Variants in PDCD10 observed in about 807,000 individuals in gnomAD.
The protein encoded by PDCD10 is programmed cell death protein 10.
Under a neutral mutation model 29.2 loss-of-function variants are expected in PDCD10, and 4 were observed. That is an observed-to-expected ratio of 0.14 (90% confidence interval 0.07 to 0.31). PDCD10 has a LOEUF of 0.31. PDCD10 is among the 10% of genes least tolerant of loss of function. The pLI is 1.00. For missense variants in PDCD10, 183 were observed against 257.9 expected, an observed-to-expected ratio of 0.71 and a Z score of 1.99; for synonymous variants, 70 against 82.2, an observed-to-expected ratio of 0.85 and a Z score of 0.80.
intron 3 of PDCD10, among the ~76,000 whole-genome samples, chr3:167,705,440 A>G (rs779711192): frequency 2.6e-5 from 4 of 152,206 alleles, no homozygotes; most frequent in Non-Finnish European, 4.4e-5. Context: ...CACAAACCTT[A>G]TGAACATATA....
At chr3:167,688,466 AAAG>A (rs1311917293) in intron 6 of PDCD10, among the ~76,000 whole-genome samples, 2 of 152,170 alleles carry the variant, frequency 1.3e-5, no homozygotes, top group Non-Finnish European at 2.9e-5. Flanking sequence ...TAAAGAAAAA[AAAG>A]AAGAAATGAA....
chr3:167,720,532 G>A (rs568868161), intron 2 of PDCD10, among the ~76,000 whole-genome samples: 73 of 152,146 alleles, frequency 4.8e-4, no homozygotes, highest in Admixed American at 1.6e-3. Context: ...CCTGAACTCA[G>A]AGAGCTCTCT....
At chr3:167,724,694 T>C (rs1723910054) in intron 2 of PDCD10, among the ~76,000 whole-genome samples, 1 of 152,164 alleles carries the variant, frequency 6.6e-6, no homozygotes, top group Non-Finnish European at 1.5e-5. Context: ...AACACAAAAA[T>C]CAAATTAATT....
intron 3 of PDCD10, among the ~76,000 whole-genome samples, chr3:167,707,194 C>T (rs115041082): frequency 0.012 from 1,879 of 152,258 alleles, 19 homozygotes; most frequent in Non-Finnish European, 0.015. Flanking sequence ...AAAGTGTGTT[C>T]CGGCCTCTTA....
Position 167,686,188 on chromosome 3 carries a change from C to T in PDCD10, c.557+1046G>A, listed in dbSNP as rs145022287. ...ATTTGACTTGAAGTGCAAATAACTA[C>T]CTATACGGCCAGACTTTCCATCAGT... On this transcript the variant is annotated intron_variant, in intron 8 of 8. Coordinates refer to ENST00000392750, the MANE Select transcript of PDCD10 (RefSeq NM_007217.4). Among the ~76,000 whole-genome samples the T allele has an allele frequency of 3.3e-5, 5 of 152,262 alleles. No individual in the cohort carries two copies. In the East Asian group the frequency reaches 9.6e-4, roughly 29 times the overall value.
Position 167,685,792 on chromosome 3 carries a change from A to C in PDCD10, c.558-1403T>G, listed in dbSNP as rs555967519. On this transcript the variant is annotated intron_variant, in intron 8 of 8. Transcript: ENST00000392750. Reference sequence around the variant, plus strand: ...TATTTGAGCTTAGCATAAATCAAATAAAAGTTTATTTTCAAAACACAAATG... The same window carrying C: ...TATTTGAGCTTAGCATAAATCAAATCAAAGTTTATTTTCAAAACACAAATG... 3.3e-5 allele frequency among the ~76,000 whole-genome samples: 5 copies of C among 152,332 alleles called. No individual in the cohort carries two copies. The Middle Eastern group carries it at 0.014, about 415-fold the overall frequency.
chr3:167,689,969 G>A (rs1720040387), intron 6 of PDCD10, among the ~76,000 whole-genome samples: 1 of 150,846 alleles, frequency 6.6e-6, no homozygotes, highest in African/African-American at 2.5e-5. Flanking sequence ...AATTATATTA[G>A]TAACTACCAG....
At chr3:167,734,039 C>G (rs1003212051) in intron 2 of PDCD10, among the ~76,000 whole-genome samples, 175 bp downstream of exon 2, 2 of 152,150 alleles carry the variant, frequency 1.3e-5, no homozygotes, top group Non-Finnish European at 2.9e-5. Context: ...CTTCCTCCAC[C>G]CTTTTCAAAA....
In PDCD10 at chr3:167,683,977, C is replaced by T; in HGVS notation, c.*331G>A. 7.9e-6 allele frequency: 2 copies of T among 253,184 alleles called. No individual in the cohort carries two copies. Among genetic ancestry groups the T allele is most frequent in the Admixed American group, 9.9e-5 (2 of 20,172 alleles). 15.7% of individuals were successfully genotyped at this position (253,184 alleles called of 1,614,324 possible). ...TTAAATACATTATCTTGCAGCATAT[C>T]GCTTTCAAGTTAAAATGTCAGAAAC... On this transcript the variant is annotated 3_prime_UTR_variant, in exon 9 of 9. Transcript: ENST00000392750.
intron 2 of PDCD10, among the ~76,000 whole-genome samples, chr3:167,729,708 TCATTCCAAA>T (rs1213946040): frequency 6.6e-6 from 1 of 152,168 alleles, no homozygotes; most frequent in Non-Finnish European, 1.5e-5. Flanking sequence ...AGGTTCCAGT[TCATTCCAAA>T]GAAGGTTTAA....
chr3:167,705,643 A>T (rs2108440457), intron 3 of PDCD10, among the ~76,000 whole-genome samples: 1 of 152,204 alleles, frequency 6.6e-6, no homozygotes, highest in East Asian at 1.9e-4. Context: ...GAATCTGACA[A>T]GATAATTTAT....
intron 6 of PDCD10, among the ~76,000 whole-genome samples, chr3:167,690,751 G>A (rs1197206573): frequency 6.6e-6 from 1 of 152,170 alleles, no homozygotes; most frequent in Non-Finnish European, 1.5e-5. Context: ...ACTGTTGAAT[G>A]TATGCTAGGT....
chr3:167,685,588 G>GGA (rs766431256), intron 8 of PDCD10, among the ~76,000 whole-genome samples: 27 of 152,124 alleles, frequency 1.8e-4, no homozygotes, highest in East Asian at 1.7e-3. Flanking sequence ...GCTGCTGAAT[G>GGA]GAGAGAAAGT....
chr3:167,704,905 A>G lies in PDCD10; in HGVS notation c.97-10T>C, dbSNP rs780711310. 5 of 1,577,158 alleles carry G rather than the reference A, an allele frequency of 3.2e-6. No homozygotes were observed. The highest frequency in any genetic ancestry group is 4.4e-6 in the Non-Finnish European group (5 of 1,149,052). On this transcript the variant is annotated splice_polypyrimidine_tract_variant and intron_variant, in intron 3 of 8. Transcript: ENST00000392750. Reference sequence around the variant, plus strand: ...GATTTACTCGTTCTAGCTGCAATAAAAATTTTAAATTATTATGAATATCAA... The same window carrying G: ...GATTTACTCGTTCTAGCTGCAATAAGAATTTTAAATTATTATGAATATCAA...
In PDCD10 at chr3:167,687,224, C is replaced by T; in HGVS notation, c.557+10G>A. 2 of 1,268,570 alleles carry T rather than the reference C, an allele frequency of 1.6e-6. No individual in the cohort carries two copies. The highest frequency in any genetic ancestry group is 2.3e-6 in the Non-Finnish European group (2 of 866,400). 78.6% of individuals were successfully genotyped at this position (1,268,570 alleles called of 1,614,324 possible). ...AATTTTAAAAGTAAAGGATAAATTA[C>T]AGTACTTACTTGCCATCTTTAAAAT... On this transcript the variant is annotated intron_variant, in intron 8 of 8. Transcript: ENST00000392750.
Position 167,686,227 on chromosome 3 carries a change from G to A in PDCD10, c.557+1007C>T, listed in dbSNP as rs565075416. Among the ~76,000 whole-genome samples the A allele has an allele frequency of 1.2e-4, 19 of 152,038 alleles. 1 individual carries two copies. The highest frequency in any genetic ancestry group is 5.9e-5 in the Non-Finnish European group (4 of 68,008). On this transcript the variant is annotated intron_variant, in intron 8 of 8. Transcript: ENST00000392750. ...CTTTCCATCAGTTTATACATTATACGTATGCATGTATGTATGTTAAAATAT... is the reference window on the plus strand; with the variant it reads ...CTTTCCATCAGTTTATACATTATACATATGCATGTATGTATGTTAAAATAT...
intron 2 of PDCD10, among the ~76,000 whole-genome samples, chr3:167,732,794 A>G (rs1222873688): frequency 1.3e-5 from 2 of 152,172 alleles, no homozygotes; most frequent in Non-Finnish European, 2.9e-5. Flanking sequence ...AAATACCTAC[A>G]TTGTCATCTA....
intron 6 of PDCD10, among the ~76,000 whole-genome samples, chr3:167,692,427 A>G (rs976111933): frequency 6.6e-6 from 1 of 152,208 alleles, no homozygotes; most frequent in African/African-American, 2.4e-5. Flanking sequence ...TCAGACGTGG[A>G]ATTTTCCACT....
chr3:167,726,635 T>C (rs1296129565), intron 2 of PDCD10, among the ~76,000 whole-genome samples: 1 of 152,206 alleles, frequency 6.6e-6, no homozygotes, highest in Non-Finnish European at 1.5e-5. Flanking sequence ...ACTAACTGCA[T>C]ATAAAATAGT....
Sources: allele counts gnomAD v4.1 joint callset (sites outside exome capture counted in the v4.1 genomes callset), GRCh38; gene constraint gnomAD v4.1.1; transcripts MANE v1.5; gene names NCBI Gene and HGNC (gene_info 2026-07-23, HGNC 2026-07-21).